The following MYT1L variants were observed in gnomAD, a reference collection of about 807,000 sequenced individuals.
The protein encoded by MYT1L is myelin transcription factor 1-like protein.
In MYT1L, 12 loss-of-function variants were observed where a neutral mutation model predicts 126.7. That is an observed-to-expected ratio of 0.09 (90% CI 0.06 to 0.15). MYT1L has a LOEUF of 0.15. MYT1L is among the 10% of genes least tolerant of loss of function. The pLI, the probability that MYT1L is intolerant of heterozygous loss-of-function variation, is 1.00. For synonymous variants in MYT1L, 541 were observed against 604.2 expected (o/e 0.90, Z 1.53); for missense variants, 979 against 1,585.2 (o/e 0.62, Z 6.49).
At position 1,912,813 on chromosome 2, in the gene MYT1L, A is replaced by G. The variant is rs1472703306; in HGVS notation, c.1619-703T>C. ...GCAAGGATGCTACTGGCTGGTCGGC[A>G]GGGGAGAGCTGCTTGAATTTTCCCA... On this transcript the variant is annotated intron_variant, in intron 11 of 24. Transcript: ENST00000647738. The surrounding 1 kb of genome is among the most constrained non-coding windows in gnomAD (Gnocchi z 4.3). Among the ~76,000 whole-genome samples the G allele has an allele frequency of 6.6e-6, 1 of 152,168 alleles. No homozygotes were observed. The highest frequency in any genetic ancestry group is 1.5e-5 in the Non-Finnish European group (1 of 68,034).
At chr2:2,219,949 G>T (rs1056963562) in intron 2 of MYT1L, among the ~76,000 whole-genome samples, 1 of 148,020 alleles carries the variant, frequency 6.8e-6, no homozygotes, top group Non-Finnish European at 1.5e-5. Context: ...TTCTAACACA[G>T]CCATCTTTCC....
chr2:2,228,572 A>C lies in MYT1L; in HGVS notation c.-420-55584T>G, dbSNP rs954079043. 1.4e-4 allele frequency among the ~76,000 whole-genome samples: 22 copies of C among 152,310 alleles called. No homozygotes were observed. Among genetic ancestry groups the C allele is most frequent in the African/African-American group, 5.3e-4 (22 of 41,572 alleles). On this transcript the variant is annotated intron_variant, in intron 2 of 24. Transcript: ENST00000647738. The surrounding 1 kb of genome is among the most constrained non-coding windows in gnomAD (Gnocchi z 5.9). Reference sequence around the variant, plus strand: ...ATTTTATAGAAAAAGTATTTATATAAATTCTTGAGTTGAAAGATTAAAAGC... The same window carrying C: ...ATTTTATAGAAAAAGTATTTATATACATTCTTGAGTTGAAAGATTAAAAGC...
intron 2 of MYT1L, among the ~76,000 whole-genome samples, chr2:2,229,170 C>G (rs966601399): frequency 4.6e-5 from 7 of 152,144 alleles, no homozygotes; most frequent in Non-Finnish European, 7.3e-5. Flanking sequence ...CTTCTCTATA[C>G]AAATAGAATC....
intron 3 of MYT1L, among the ~76,000 whole-genome samples, chr2:2,109,692 C>T (rs1165874317): frequency 1.3e-5 from 2 of 151,478 alleles, no homozygotes; most frequent in East Asian, 1.9e-4. Flanking sequence ...GTCTCTAGAA[C>T]AAGTATTTGG....
intron 23 of MYT1L, among the ~76,000 whole-genome samples, chr2:1,796,010 T>C (rs10203567): frequency 0.54 from 82,576 of 152,084 alleles, 22,663 homozygotes; most frequent in South Asian, 0.65. Context: ...AAGCTAAGAA[T>C]GGCGTTTGCA....
rs2062735217 is a variant in MYT1L, at chr2:2,004,003, A to AGGCATTCTTTCCTGTG, written c.-157-6657_-157-6656insCACAGGAAAGAATGCC. Among the ~76,000 whole-genome samples, 4 of 136,072 alleles carry AGGCATTCTTTCCTGTG rather than the reference A, an allele frequency of 2.9e-5. No homozygotes were observed. In the South Asian group the frequency reaches 8.7e-4, roughly 30 times the overall value. 89.3% of individuals were successfully genotyped at this position (136,072 alleles called of 152,430 possible). ...CTTTCCTGCAAGCGTTCTTTCCTGC[A>AGGCATTCTTTCCTGTG]TGCCTTCTTTCCTGCATGCCTTCTT... On this transcript the variant is annotated intron_variant, in intron 4 of 24. Transcript: ENST00000647738.
chr2:2,203,446 C>A (rs1291518616), intron 2 of MYT1L, among the ~76,000 whole-genome samples: 1 of 150,838 alleles, frequency 6.6e-6, no homozygotes, highest in Non-Finnish European at 1.5e-5. Flanking sequence ...GCAAAAATCA[C>A]AAGCATTCCT....
In MYT1L at chr2:2,265,224, T is replaced by C. The variant is rs529844338; in HGVS notation, c.-421+19180A>G. On this transcript the variant is annotated intron_variant, in intron 2 of 24. Coordinates refer to ENST00000647738, the MANE Select transcript of MYT1L (RefSeq NM_001303052.2). ...GTAGAGATGGGGTTGGCCAGGCTGG[T>C]CTTGAACACCTAACCTCAGGTGATC... 4.1e-4 allele frequency among the ~76,000 whole-genome samples: 62 copies of C among 152,110 alleles called. 2 individuals are homozygous for C. The East Asian group carries it at 0.012, about 29-fold the overall frequency.
chr2:1,854,764 G>A (rs1254598171), intron 18 of MYT1L, among the ~76,000 whole-genome samples: 3 of 152,182 alleles, frequency 2.0e-5, no homozygotes, highest in Admixed American at 2.0e-4. Context: ...GAATGAATGT[G>A]GGGAAGCTGT....
intron 1 of MYT1L, among the ~76,000 whole-genome samples, chr2:2,295,601 G>GAGAGAGAGAGAC (rs1559583853): frequency 1.6e-4 from 1 of 6,220 alleles, no homozygotes; most frequent in East Asian, 6.3e-3. Flanking sequence ...GACAGAGAGA[G>GAGAGAGAGAGAC]AGACAGACAG....
intron 2 of MYT1L, among the ~76,000 whole-genome samples, chr2:2,259,662 C>T (rs1397883103): frequency 1.3e-5 from 2 of 152,132 alleles, no homozygotes; most frequent in Admixed American, 6.5e-5. Context: ...GACTGACCCT[C>T]GTCTTATAGA....
At position 1,910,867 on chromosome 2, in the gene MYT1L, C is replaced by T. The variant is rs2051867903; in HGVS notation, c.1710-520G>A. Among the ~76,000 whole-genome samples, 1 of 152,172 alleles carries T rather than the reference C, an allele frequency of 6.6e-6. No individual in the cohort carries two copies. The highest frequency in any genetic ancestry group is 1.5e-5 in the Non-Finnish European group (1 of 68,032). ...AGGGAAATGAAAGTGGAGAGGAAAG[C>T]AGAATGATTTCTAGGACTGCAATAA... On this transcript the variant is annotated intron_variant, in intron 12 of 24. Transcript: ENST00000647738. The surrounding 1 kb of genome is among the most constrained non-coding windows in gnomAD (Gnocchi z 4.8).
chr2:1,893,339 C>T (rs1260435593), intron 14 of MYT1L, among the ~76,000 whole-genome samples: 2 of 152,196 alleles, frequency 1.3e-5, no homozygotes, highest in African/African-American at 4.8e-5. Flanking sequence ...TGAAGAGTTA[C>T]TCAGAGGTGG....
intron 5 of MYT1L, among the ~76,000 whole-genome samples, chr2:1,994,402 TG>T (rs902920604): frequency 4.6e-4 from 69 of 151,200 alleles, no homozygotes; most frequent in African/African-American, 1.4e-3. Flanking sequence ...CGAGTCCTCC[TG>T]GGGGGCTCAG....
At chr2:2,025,380 C>T (rs1296688783) in intron 4 of MYT1L, among the ~76,000 whole-genome samples, 1 of 152,194 alleles carries the variant, frequency 6.6e-6, no homozygotes, top group Admixed American at 6.5e-5. Context: ...TCTACAGGGT[C>T]CTTGAATGTG....
intron 3 of MYT1L, among the ~76,000 whole-genome samples, chr2:2,073,031 G>A (rs980939938): frequency 6.6e-6 from 1 of 152,170 alleles, no homozygotes; most frequent in Non-Finnish European, 1.5e-5. Context: ...CACAACAGAA[G>A]GAGGGAGGGA....
intron 8 of MYT1L, among the ~76,000 whole-genome samples, chr2:1,947,688 G>C (rs538340789): frequency 6.6e-6 from 1 of 152,304 alleles, no homozygotes; most frequent in African/African-American, 2.4e-5. Flanking sequence ...TGCTGGGCAT[G>C]GGAAGGTAGT....
chr2:1,860,274 C>T (rs1038857879), intron 18 of MYT1L, among the ~76,000 whole-genome samples: 25 of 152,006 alleles, frequency 1.6e-4, no homozygotes, highest in Admixed American at 1.4e-3. Context: ...CTGGGGCCGC[C>T]GGAGCCAGTA....
At chr2:2,022,276 G>A (rs2065114546) in intron 4 of MYT1L, among the ~76,000 whole-genome samples, 1 of 152,120 alleles carries the variant, frequency 6.6e-6, no homozygotes, top group Admixed American at 6.5e-5. Flanking sequence ...CTCACGGTTA[G>A]GAGCACATGT....
Sources: gnomAD v4.1 joint callset for allele counts (sites outside exome capture counted in the v4.1 genomes callset) on GRCh38, gnomAD v4.1.1 for gene constraint, Gnocchi (gnomAD v3.1) non-coding constraint, MANE v1.5 for transcripts, NCBI Gene and HGNC (gene_info 2026-07-23, HGNC 2026-07-21) for gene names.